LYRM4: variants seen among roughly 807,000 people sequenced by gnomAD.
The protein encoded by LYRM4 is LYR motif containing 4.
LYRM4 carries 9 observed loss-of-function variants against 11.7 expected under a neutral mutation model. The observed-to-expected ratio is 0.77, with a 90% CI of 0.46 to 1.34. The LOEUF (loss-of-function observed/expected upper bound fraction) is 1.34, where lower values mean the gene tolerates loss of function less well. LYRM4 is among the 40% of genes most tolerant of loss of function. The pLI is 0.00. For synonymous variants in LYRM4, 42 were observed against 40.4 expected (o/e 1.04, Z -0.15); for missense variants, 133 against 112.5 (o/e 1.18, Z -0.82).
the LYRM4 span, chr6:5,085,561 G>A: frequency 6.5e-7 from 1 of 1,542,624 alleles, no homozygotes; most frequent in Non-Finnish European, 8.7e-7. Context: ...GCCGGCCGAG[G>A]AGCTGCCCGC....
chr6:5,042,863 T>C, the LYRM4 span: 1 of 152,282 alleles, frequency 6.6e-6, no homozygotes. Flanking sequence ...TTCCTTGCTC[T>C]CTGCCAAAAC....
chr6:5,211,252 T>C (rs997809750), intron 2 of LYRM4, among the ~76,000 whole-genome samples: 8 of 152,176 alleles, frequency 5.3e-5, no homozygotes, highest in Non-Finnish European at 8.8e-5. Flanking sequence ...GGAGCGGATA[T>C]TGCAGTGACT....
At chr6:5,086,113 G>A in the LYRM4 span, 5 of 1,464,152 alleles carry the variant, frequency 3.4e-6, no homozygotes, top group Non-Finnish European at 3.6e-6. Flanking sequence ...GAGCGCCGCG[G>A]CCGAGCGTCT....
the LYRM4 span, among the ~76,000 whole-genome samples, chr6:5,080,307 A>G: frequency 1.3e-5 from 2 of 152,234 alleles, no homozygotes; most frequent in Admixed American, 6.5e-5. Context: ...AAAGAGAAAA[A>G]AAGACCAGTG....
At chr6:5,197,885 G>A (rs115666870) in intron 2 of LYRM4, among the ~76,000 whole-genome samples, 2,703 of 151,330 alleles carry the variant, frequency 0.018, 75 homozygotes, top group African/African-American at 0.062. Context: ...AGAAAGGGAA[G>A]GCAGCGCCGG....
At chr6:5,159,168 C>T (rs995528196) in intron 2 of LYRM4, among the ~76,000 whole-genome samples, 2 of 152,236 alleles carry the variant, frequency 1.3e-5, no homozygotes, top group Non-Finnish European at 2.9e-5. Flanking sequence ...GAACTGTATA[C>T]TAGGCAGGTA....
At chr6:5,049,353 C>G in the LYRM4 span, among the ~76,000 whole-genome samples, 1 of 152,154 alleles carries the variant, frequency 6.6e-6, no homozygotes, top group Non-Finnish European at 1.5e-5. Flanking sequence ...TCAGATGACC[C>G]AACTACTGGG....
intron 2 of LYRM4, among the ~76,000 whole-genome samples, chr6:5,204,242 T>C (rs1453539018): frequency 6.6e-6 from 1 of 152,176 alleles, no homozygotes; most frequent in Admixed American, 6.5e-5. Context: ...CTGCTGGAAC[T>C]TACCTCATGG....
At chr6:5,186,471 T>C in intron 2 of LYRM4, 3 of 784,058 alleles carry the variant, frequency 3.8e-6, no homozygotes, top group Non-Finnish European at 4.6e-6. Context: ...CCATAAATGA[T>C]ACTAGGACAG....
chr6:5,037,009 A>ATTTTT, the LYRM4 span, among the ~76,000 whole-genome samples: 26 of 28,722 alleles, frequency 9.1e-4, 4 homozygotes, highest in African/African-American at 3.1e-3. Flanking sequence ...TTTAGCTTGT[A>ATTTTT]TTTTTTTTTT....
the LYRM4 span, among the ~76,000 whole-genome samples, chr6:5,057,516 A>G: frequency 3.3e-5 from 5 of 152,088 alleles, no homozygotes; most frequent in Non-Finnish European, 7.4e-5. Flanking sequence ...CAGGAGTTCG[A>G]GACCAGCCTG....
chr6:5,241,868 C>A (rs963827588), intron 1 of LYRM4, among the ~76,000 whole-genome samples: 2 of 80,100 alleles, frequency 2.5e-5, no homozygotes, highest in Non-Finnish European at 2.2e-5. Context: ...GGTGATACAT[C>A]GTGCCATTGG....
At chr6:5,134,180 CAT>C (rs772120682) in intron 2 of LYRM4, among the ~76,000 whole-genome samples, 26 of 152,370 alleles carry the variant, frequency 1.7e-4, no homozygotes, top group East Asian at 7.7e-4. Context: ...GCTTTCCACA[CAT>C]GTCAGGATTT....
chr6:5,109,276 A>T lies in LYRM4; in HGVS notation c.*147T>A. The T allele has an allele frequency of 2.6e-6, 4 of 1,518,880 alleles. No homozygotes were observed. Among genetic ancestry groups the T allele is most frequent in the Non-Finnish European group, 3.5e-6 (4 of 1,132,254 alleles). The allele number at this position is 1,518,880 out of a possible 1,614,324, so 94.1% of individuals were successfully genotyped here. ...TCCTTTTTCACTAAGCCTGCAACAG[A>T]ATGCAAATGTGACTTGGTTTATCAG... On this transcript the variant is annotated 3_prime_UTR_variant, in exon 3 of 3. Coordinates refer to ENST00000330636, the MANE Select transcript of LYRM4 (RefSeq NM_020408.6).
chr6:5,185,354 G>A (rs1024677397), intron 2 of LYRM4, among the ~76,000 whole-genome samples: 2 of 152,208 alleles, frequency 1.3e-5, no homozygotes, highest in African/African-American at 4.8e-5. Context: ...GGCTGGAAAG[G>A]ACATCTTCCC....
intron 2 of LYRM4, among the ~76,000 whole-genome samples, chr6:5,169,496 T>C (rs932899551): frequency 6.6e-6 from 1 of 152,124 alleles, no homozygotes; most frequent in Non-Finnish European, 1.5e-5. Context: ...CAGATAACTA[T>C]ACAAGGCAAA....
At chr6:5,160,154 T>TTG (rs957539322) in intron 2 of LYRM4, among the ~76,000 whole-genome samples, 5 of 152,148 alleles carry the variant, frequency 3.3e-5, no homozygotes, top group African/African-American at 7.2e-5. Context: ...CTGTGTCTAT[T>TTG]TGTGTGTGTA....
intron 1 of LYRM4, among the ~76,000 whole-genome samples, chr6:5,248,125 ATGCTTC>A (rs984625601): frequency 4.6e-5 from 7 of 152,208 alleles, no homozygotes; most frequent in African/African-American, 1.7e-4. Flanking sequence ...TCTACGTTTG[ATGCTTC>A]ATTTGGAATA....
chr6:5,118,021 T>C (rs935543233), intron 2 of LYRM4, among the ~76,000 whole-genome samples: 13 of 151,272 alleles, frequency 8.6e-5, no homozygotes, highest in African/African-American at 2.7e-4. Flanking sequence ...TTTCCTAAGA[T>C]AGCTACACTT....
Sources: gnomAD v4.1 joint callset for allele counts (sites outside exome capture counted in the v4.1 genomes callset) on GRCh38, gnomAD v4.1.1 for gene constraint, MANE v1.5 for transcripts, NCBI Gene and HGNC (gene_info 2026-07-23, HGNC 2026-07-21) for gene names.